SKAP1: variants seen among roughly 807,000 people sequenced by gnomAD.
SKAP1 encodes the protein src kinase associated phosphoprotein 1.
In SKAP1, 44 loss-of-function variants were observed where a neutral mutation model predicts 58.5. The observed-to-expected ratio is 0.75, with a 90% confidence interval of 0.59 to 0.97. SKAP1 has a LOEUF of 0.97. SKAP1 is among the 50% of genes least tolerant of loss of function. The pLI, the probability that SKAP1 is intolerant of heterozygous loss-of-function variation, is 0.00. For synonymous variants in SKAP1, 127 were observed against 149.7 expected (o/e 0.85, Z 1.11); for missense variants, 390 against 435.2 (o/e 0.90, Z 0.92).
intron 4 of SKAP1, among the ~76,000 whole-genome samples, chr17:48,239,531 G>C (rs573366688): frequency 6.6e-6 from 1 of 152,284 alleles, no homozygotes; most frequent in East Asian, 1.9e-4. Flanking sequence ...TGGTCTGTGA[G>C]TCAATCAGAA....
At chr17:48,373,900 G>T (rs1237824150) in intron 2 of SKAP1, among the ~76,000 whole-genome samples, 1 of 151,980 alleles carries the variant, frequency 6.6e-6, no homozygotes, top group Non-Finnish European at 1.5e-5. Context: ...TTTTGCAACT[G>T]AAGTATTAAA....
At chr17:48,338,497 C>G (rs1214843778) in intron 4 of SKAP1, among the ~76,000 whole-genome samples, 1 of 152,122 alleles carries the variant, frequency 6.6e-6, no homozygotes, top group Non-Finnish European at 1.5e-5. Flanking sequence ...AAAACAGAGA[C>G]TAGATTAGGT....
At chr17:48,394,331 G>A (rs1322460720) in intron 2 of SKAP1, among the ~76,000 whole-genome samples, 1 of 151,916 alleles carries the variant, frequency 6.6e-6, no homozygotes, top group African/African-American at 2.4e-5. Context: ...TGTATTTGCC[G>A]TATGTTTATT....
intron 4 of SKAP1, among the ~76,000 whole-genome samples, chr17:48,199,863 C>T (rs1428575278): frequency 3.9e-5 from 6 of 151,936 alleles, no homozygotes; most frequent in African/African-American, 4.8e-5. Context: ...GTGAACAGAA[C>T]GTTATAGTAC....
intron 6 of SKAP1, among the ~76,000 whole-genome samples, chr17:48,185,446 T>C (rs1373416598): frequency 6.6e-6 from 1 of 152,084 alleles, no homozygotes; most frequent in Non-Finnish European, 1.5e-5. Flanking sequence ...TATTATTAGA[T>C]GACGAGGAAG....
At chr17:48,220,222 T>C (rs188662779) in intron 4 of SKAP1, among the ~76,000 whole-genome samples, 24 of 152,282 alleles carry the variant, frequency 1.6e-4, no homozygotes, top group African/African-American at 5.5e-4. Flanking sequence ...AATGCCAACA[T>C]AGTGGTGCTC....
intron 9 of SKAP1, among the ~76,000 whole-genome samples, chr17:48,175,901 G>A (rs3805368): frequency 0.037 from 5,559 of 152,256 alleles, 118 homozygotes; most frequent in East Asian, 0.053. Flanking sequence ...ACAGAGAAAA[G>A]GCCAGAAGTT....
Position 48,201,810 on chromosome 17 carries a change from C to A in SKAP1, c.281-12310G>T, listed in dbSNP as rs555138432. Among the ~76,000 whole-genome samples the A allele has an allele frequency of 2.6e-5, 4 of 152,270 alleles. No homozygotes were observed. In the South Asian group the frequency reaches 8.3e-4, roughly 32 times the overall value. On this transcript the variant is annotated intron_variant, in intron 4 of 12. Transcript: ENST00000336915. Reference sequence around the variant, plus strand: ...GGGTTCAGAAGAAACAATAAACAGGCAAAAGACTGTGCCAAATGAATAACT... The same window carrying A: ...GGGTTCAGAAGAAACAATAAACAGGAAAAAGACTGTGCCAAATGAATAACT...
intron 4 of SKAP1, chr17:48,193,758 G>T: frequency 1.0e-6 from 1 of 984,092 alleles, no homozygotes. Context: ...AATCTTGTAT[G>T]CCTGGATCCA....
chr17:48,137,056 G>GA (rs1336082101), intron 12 of SKAP1, 173 bp downstream of exon 12: 16 of 527,640 alleles, frequency 3.0e-5, no homozygotes, highest in East Asian at 1.2e-4. Flanking sequence ...CCAAATTTAA[G>GA]AAAAAAACAA....
At chr17:48,342,801 C>T (rs559102986) in intron 4 of SKAP1, among the ~76,000 whole-genome samples, 11 of 152,086 alleles carry the variant, frequency 7.2e-5, no homozygotes, top group East Asian at 3.9e-4. Context: ...CTGGCTAACA[C>T]GGTGAAACCC....
rs561424315 is a variant in SKAP1, at chr17:48,192,312, G to A, written c.281-2812C>T. The stretch of plus-strand genomic sequence containing the variant: ...GTTTTTTTTTTCTTTTCTTTTTAAA[G>A]GTCTTGTTAAACTTAGAGACACAGC... On this transcript the variant is annotated intron_variant, in intron 4 of 12. Coordinates refer to ENST00000336915, the MANE Select transcript of SKAP1 (RefSeq NM_003726.4). 4.2e-3 allele frequency among the ~76,000 whole-genome samples: 632 copies of A among 151,600 alleles called. 5 individuals carry two copies. The highest frequency in any genetic ancestry group is 5.3e-3 in the Non-Finnish European group (358 of 67,884).
At chr17:48,399,355 A>C (rs1424640593) in intron 1 of SKAP1, among the ~76,000 whole-genome samples, 1 of 152,228 alleles carries the variant, frequency 6.6e-6, no homozygotes, top group Non-Finnish European at 1.5e-5. Flanking sequence ...GCATTTAACA[A>C]AAGTCAACAG....
intron 4 of SKAP1, among the ~76,000 whole-genome samples, chr17:48,260,718 C>T (rs974096248): frequency 1.6e-4 from 24 of 152,180 alleles, no homozygotes; most frequent in East Asian, 7.7e-4. Context: ...TTATTTATAT[C>T]GGAATCACCA....
Position 48,165,431 on chromosome 17 carries a change from G to C in SKAP1, c.878-2862C>G, listed in dbSNP as rs1318347862. 6.6e-5 allele frequency among the ~76,000 whole-genome samples: 9 copies of C among 136,414 alleles called. 1 individual carries two copies. The highest frequency in any genetic ancestry group is 7.6e-3 in the Middle Eastern group (2 of 262). The allele number at this position is 136,414 out of a possible 152,430, so 89.5% of individuals were successfully genotyped here. ...TTTTTTTTTTTTGAGGCGAAGTTTT[G>C]CTCCTTTTGCCCAGGGTGGAGTGTA... On this transcript the variant is annotated intron_variant, in intron 10 of 12. Coordinates refer to ENST00000336915, the MANE Select transcript of SKAP1 (RefSeq NM_003726.4).
chr17:48,274,351 G>T (rs1257179385), intron 4 of SKAP1, among the ~76,000 whole-genome samples: 1 of 151,816 alleles, frequency 6.6e-6, no homozygotes, highest in African/African-American at 2.4e-5. Flanking sequence ...AGCAGAGATT[G>T]CATCACTGCA....
At chr17:48,134,063 AT>A (rs34102721) in intron 12 of SKAP1, among the ~76,000 whole-genome samples, 24,467 of 151,822 alleles carry the variant, frequency 0.16, 2,681 homozygotes, top group African/African-American at 0.31. Context: ...TTGCTGTTTT[AT>A]TTTTTTTAAA....
At chr17:48,353,797 G>A (rs2066835332) in intron 3 of SKAP1, among the ~76,000 whole-genome samples, 1 of 151,542 alleles carries the variant, frequency 6.6e-6, no homozygotes, top group Admixed American at 6.6e-5. Flanking sequence ...TTGGGAGGCT[G>A]AGGCAGAGAG....
chr17:48,360,093 C>A (rs1295554543), intron 3 of SKAP1, among the ~76,000 whole-genome samples: 1 of 152,144 alleles, frequency 6.6e-6, no homozygotes. Flanking sequence ...AGAGATTCCA[C>A]TGGCCCATGT....
Sources: gnomAD v4.1 joint callset for allele counts (sites outside exome capture counted in the v4.1 genomes callset) on GRCh38, gnomAD v4.1.1 for gene constraint, MANE v1.5 for transcripts, NCBI Gene and HGNC (gene_info 2026-07-23, HGNC 2026-07-21) for gene names.